Variants in COX10 observed in about 807,000 individuals in gnomAD.
COX10 encodes the protein protoheme IX farnesyltransferase, mitochondrial.
Under a neutral mutation model 37.3 loss-of-function variants are expected in COX10, and 27 were observed. The observed-to-expected ratio is 0.72, with a 90% CI of 0.53 to 1.00. The LOEUF (loss-of-function observed/expected upper bound fraction) is 1.00. COX10 is among the 50% of genes least tolerant of loss of function. COX10 has a pLI of 0.00. For synonymous variants in COX10, 222 were observed against 229.1 expected (o/e 0.97, Z 0.28); for missense variants, 475 against 563.2 (o/e 0.84, Z 1.59).
intron 5 of COX10, among the ~76,000 whole-genome samples, chr17:14,172,130 A>G (rs1159332893): frequency 1.3e-5 from 2 of 152,080 alleles, no homozygotes; most frequent in Non-Finnish European, 2.9e-5. Flanking sequence ...CAACTGGCAG[A>G]TAGGTCTTCC....
intron 5 of COX10, among the ~76,000 whole-genome samples, chr17:14,179,495 A>G (rs1905790781): frequency 6.6e-6 from 1 of 152,160 alleles, no homozygotes. Context: ...CTGGGTGAAA[A>G]ACCTAGCCAC....
At chr17:14,191,953 G>C (rs758782722) in intron 5 of COX10, 36 bp from the exon 6 acceptor site, 7 of 1,607,576 alleles carry the variant, frequency 4.4e-6, no homozygotes, top group Non-Finnish European at 6.0e-6. Flanking sequence ...AGTTGAGTTG[G>C]AGATGATCAC....
At position 14,207,859 on chromosome 17, in the gene COX10, C is replaced by G. The variant is rs7214082; in HGVS notation, c.*646C>G. 1,667 of 152,698 alleles carry G rather than the reference C, an allele frequency of 0.011. 11 individuals are homozygous for G. The highest frequency in any genetic ancestry group is 0.04 in the Middle Eastern group (12 of 298). 9.5% of individuals were successfully genotyped at this position (152,698 alleles called of 1,614,324 possible). ...GCCAGCCCCTGTCCTCCCTTCACCC[C>G]CATTGCGTATGAGCATTTCAGAACT... On this transcript the variant is annotated 3_prime_UTR_variant, in exon 7 of 7. Coordinates refer to ENST00000261643, the MANE Select transcript of COX10 (RefSeq NM_001303.4).
chr17:14,148,291 G>A (rs766088049), intron 4 of COX10, among the ~76,000 whole-genome samples: 9 of 152,150 alleles, frequency 5.9e-5, no homozygotes, highest in Admixed American at 2.0e-4. Context: ...TACTTAGTTT[G>A]TTTATTCTAG....
intron 4 of COX10, among the ~76,000 whole-genome samples, chr17:14,136,767 C>T (rs537853128): frequency 4.5e-4 from 68 of 152,066 alleles, no homozygotes; most frequent in Non-Finnish European, 1.8e-4. Context: ...TGGTTTTAGT[C>T]TGTTCATAAA....
At chr17:14,104,569 C>T (rs1597502399) in intron 4 of COX10, among the ~76,000 whole-genome samples, 1 of 152,022 alleles carries the variant, frequency 6.6e-6, no homozygotes, top group South Asian at 2.1e-4. Flanking sequence ...AAGTTCTTCA[C>T]TTCTAATAAA....
intron 4 of COX10, among the ~76,000 whole-genome samples, chr17:14,111,729 A>G (rs1248241774): frequency 6.6e-6 from 1 of 152,178 alleles, no homozygotes. Context: ...TTGGTAATCT[A>G]GAAAATGCCA....
At chr17:14,160,276 A>G (rs1036221187) in intron 5 of COX10, among the ~76,000 whole-genome samples, 1 of 152,210 alleles carries the variant, frequency 6.6e-6, no homozygotes, top group African/African-American at 2.4e-5. Context: ...TGATCTTCAG[A>G]CAAATCCATC....
intron 4 of COX10, among the ~76,000 whole-genome samples, chr17:14,138,604 G>T (rs561569906): frequency 3.3e-4 from 50 of 152,228 alleles, no homozygotes; most frequent in African/African-American, 9.6e-4. Context: ...AAAGTGCTCA[G>T]GTGTCCTGTA....
intron 4 of COX10, among the ~76,000 whole-genome samples, chr17:14,106,342 A>T (rs1262928291): frequency 6.6e-6 from 1 of 152,126 alleles, no homozygotes; most frequent in East Asian, 1.9e-4. Context: ...TAAGAGTTGT[A>T]TATGGATATA....
intron 4 of COX10, among the ~76,000 whole-genome samples, chr17:14,146,873 G>T (rs772663384): frequency 2.0e-5 from 3 of 152,072 alleles, no homozygotes; most frequent in African/African-American, 4.8e-5. Flanking sequence ...CATACAAATG[G>T]CAGACAGGCA....
intron 5 of COX10, chr17:14,182,226 T>C: frequency 1.3e-6 from 1 of 784,908 alleles, no homozygotes; most frequent in Non-Finnish European, 1.5e-6. Flanking sequence ...ACCAAGAGTT[T>C]GAGCATTTTT....
chr17:14,191,963 C>T (rs1469792347), intron 5 of COX10, 26 bp from the exon 6 acceptor site: 1 of 1,611,800 alleles, frequency 6.2e-7, no homozygotes, highest in South Asian at 1.1e-5. Context: ...GAGATGATCA[C>T]TCCAGGTTCT....
chr17:14,147,597 C>G (rs1052443859), intron 4 of COX10, among the ~76,000 whole-genome samples: 1 of 151,814 alleles, frequency 6.6e-6, no homozygotes, highest in Non-Finnish European at 1.5e-5. Flanking sequence ...TGACTATAGT[C>G]AATAATAATT....
intron 4 of COX10, among the ~76,000 whole-genome samples, chr17:14,125,521 C>G (rs1347169216): frequency 6.6e-6 from 1 of 152,134 alleles, no homozygotes; most frequent in Non-Finnish European, 1.5e-5. Flanking sequence ...AAATGCAGCT[C>G]TTTTGGGAGG....
chr17:14,070,392 G>GT (rs1452343210), intron 1 of COX10, among the ~76,000 whole-genome samples: 1 of 152,108 alleles, frequency 6.6e-6, no homozygotes, highest in Non-Finnish European at 1.5e-5. Flanking sequence ...TTTATTATTT[G>GT]TTTTTCCCAA....
chr17:14,107,071 C>T (rs886357752), intron 4 of COX10, among the ~76,000 whole-genome samples: 1 of 151,968 alleles, frequency 6.6e-6, no homozygotes, highest in African/African-American at 2.4e-5. Flanking sequence ...AGAGTGCATC[C>T]CAGCACCCCT....
At chr17:14,111,089 G>A (rs986133241) in intron 4 of COX10, among the ~76,000 whole-genome samples, 1 of 152,084 alleles carries the variant, frequency 6.6e-6, no homozygotes, top group Non-Finnish European at 1.5e-5. Flanking sequence ...GTCTGTTGCT[G>A]TTTCTAACTA....
intron 2 of COX10, among the ~76,000 whole-genome samples, chr17:14,076,401 T>C (rs1915152576): frequency 6.6e-6 from 1 of 151,696 alleles, no homozygotes; most frequent in Non-Finnish European, 1.5e-5. Flanking sequence ...AAAACTTTTT[T>C]ATTGTATTTG....
Sources: allele counts gnomAD v4.1 joint callset (sites outside exome capture counted in the v4.1 genomes callset), GRCh38; gene constraint gnomAD v4.1.1; transcripts MANE v1.5; gene names NCBI Gene and HGNC (gene_info 2026-07-23, HGNC 2026-07-21).